Variants in DLG2 observed in about 807,000 individuals in gnomAD.
DLG2 encodes the protein discs large MAGUK scaffold protein 2, also known as disks large homolog 2.
Under a neutral mutation model 132.5 loss-of-function variants are expected in DLG2, and 45 were observed. The observed-to-expected ratio is 0.34, with a 90% CI of 0.27 to 0.44. The LOEUF is 0.44. DLG2 is among the 20% of genes least tolerant of loss of function. The pLI is 1.00. For synonymous variants in DLG2, 424 were observed against 419.6 expected (o/e 1.01, Z -0.13); for missense variants, 1,045 against 1,196.9 (o/e 0.87, Z 1.87).
intron 7 of DLG2, among the ~76,000 whole-genome samples, chr11:84,352,198 A>G (rs1314487614): frequency 6.6e-6 from 1 of 152,176 alleles, no homozygotes; most frequent in Non-Finnish European, 1.5e-5. Context: ...TTTTTCTCCT[A>G]CTAGCTGAAA....
At chr11:83,831,427 G>A (rs1324255857) in intron 17 of DLG2, among the ~76,000 whole-genome samples, 1 of 152,068 alleles carries the variant, frequency 6.6e-6, no homozygotes, top group Non-Finnish European at 1.5e-5. Context: ...GGACCACAGT[G>A]ACACATACGA....
At chr11:84,609,859 A>C (rs1438008013) in intron 6 of DLG2, among the ~76,000 whole-genome samples, 3 of 152,160 alleles carry the variant, frequency 2.0e-5, no homozygotes, top group Admixed American at 1.3e-4. Context: ...GAATATTTTA[A>C]ATTATCTATA....
intron 22 of DLG2, chr11:83,483,376 G>A (rs546411552): frequency 4.2e-5 from 45 of 1,074,102 alleles, no homozygotes; most frequent in Middle Eastern, 2.0e-4. Context: ...CAGTGGAGTT[G>A]AAATGAATAC....
chr11:84,278,807 A>AT (rs2097818217), intron 7 of DLG2, among the ~76,000 whole-genome samples: 1 of 5,878 alleles, frequency 1.7e-4, no homozygotes, highest in Non-Finnish European at 7.7e-4. Context: ...ACATTATTTT[A>AT]TTTATTTATT....
chr11:84,481,530 A>G (rs756914848), intron 7 of DLG2, among the ~76,000 whole-genome samples: 1 of 152,196 alleles, frequency 6.6e-6, no homozygotes, highest in Non-Finnish European at 1.5e-5. Flanking sequence ...GAAGGGCCAT[A>G]CGTAGTATCA....
intron 18 of DLG2, among the ~76,000 whole-genome samples, chr11:83,680,357 G>C (rs2078557704): frequency 6.6e-6 from 1 of 152,140 alleles, no homozygotes; most frequent in Non-Finnish European, 1.5e-5. Flanking sequence ...AAACTACCTT[G>C]TTCTTGGCAT....
At chr11:84,174,384 C>T (rs998215535) in intron 8 of DLG2, among the ~76,000 whole-genome samples, 11 of 151,976 alleles carry the variant, frequency 7.2e-5, no homozygotes, top group African/African-American at 2.7e-4. Flanking sequence ...TTTTAATCCC[C>T]AGAGAACATT....
intron 18 of DLG2, among the ~76,000 whole-genome samples, chr11:83,737,069 G>C (rs918005868): frequency 2.0e-5 from 3 of 152,144 alleles, no homozygotes; most frequent in African/African-American, 4.8e-5. Flanking sequence ...CCACACTGTA[G>C]AGCCCCAAAA....
chr11:85,344,602 T>C (rs1250372617), intron 3 of DLG2, among the ~76,000 whole-genome samples: 8 of 152,162 alleles, frequency 5.3e-5, no homozygotes, highest in African/African-American at 1.4e-4. Context: ...ATTTAGATTA[T>C]ATTATGCAAT....
chr11:84,933,423 A>G (rs772624196), intron 6 of DLG2, among the ~76,000 whole-genome samples: 1 of 152,170 alleles, frequency 6.6e-6, no homozygotes, highest in Non-Finnish European at 1.5e-5. Flanking sequence ...GGTAGTTAAT[A>G]AGAATAGCAT....
At chr11:83,922,644 A>T (rs1468533847) in intron 15 of DLG2, among the ~76,000 whole-genome samples, 3 of 152,118 alleles carry the variant, frequency 2.0e-5, no homozygotes, top group African/African-American at 7.2e-5. Flanking sequence ...TCCTTTCAGA[A>T]TCTACAGATT....
At chr11:83,495,105 C>T (rs932445131) in intron 21 of DLG2, among the ~76,000 whole-genome samples, 1 of 152,120 alleles carries the variant, frequency 6.6e-6, no homozygotes, top group East Asian at 1.9e-4. Flanking sequence ...TAAAAAATCT[C>T]AGGGAAGATC....
At chr11:83,475,931 T>C (rs892066290) in intron 22 of DLG2, among the ~76,000 whole-genome samples, 1 of 152,036 alleles carries the variant, frequency 6.6e-6, no homozygotes, top group Non-Finnish European at 1.5e-5. Flanking sequence ...AGCACAGAGC[T>C]GTGTGTGGAT....
intron 3 of DLG2, among the ~76,000 whole-genome samples, chr11:85,545,287 C>T (rs1372168915): frequency 1.3e-5 from 2 of 152,098 alleles, no homozygotes; most frequent in African/African-American, 2.4e-5. Context: ...TGATGGATTA[C>T]GTGTATTGAT....
chr11:85,346,695 A>G (rs1342109010), intron 3 of DLG2, among the ~76,000 whole-genome samples: 2 of 152,148 alleles, frequency 1.3e-5, no homozygotes, highest in African/African-American at 2.4e-5. Context: ...AGCAAGTCCT[A>G]GCCTCATTTT....
intron 3 of DLG2, among the ~76,000 whole-genome samples, chr11:85,551,296 C>G (rs1349822857): frequency 6.6e-6 from 1 of 151,728 alleles, no homozygotes; most frequent in Non-Finnish European, 1.5e-5. Context: ...AAAAGATGAC[C>G]AAATATGAAT....
chr11:84,255,805 C>T (rs951081258), intron 7 of DLG2, among the ~76,000 whole-genome samples: 1 of 151,894 alleles, frequency 6.6e-6, no homozygotes, highest in Non-Finnish European at 1.5e-5. Flanking sequence ...TCTTTATATA[C>T]ATCTAGGCAA....
intron 9 of DLG2, among the ~76,000 whole-genome samples, chr11:84,112,113 T>C (rs1311594669): frequency 6.6e-6 from 1 of 151,772 alleles, no homozygotes; most frequent in Non-Finnish European, 1.5e-5. Context: ...CCCGGGTTCA[T>C]GCCATTCTCC....
At chr11:85,084,746 G>C (rs2067686847) in intron 6 of DLG2, among the ~76,000 whole-genome samples, 1 of 152,032 alleles carries the variant, frequency 6.6e-6, no homozygotes, top group Non-Finnish European at 1.5e-5. Context: ...TTCCACCTGT[G>C]ATCACAAATA....
Sources: gnomAD v4.1 joint callset for allele counts (sites outside exome capture counted in the v4.1 genomes callset) on GRCh38, gnomAD v4.1.1 for gene constraint, MANE v1.5 for transcripts, NCBI Gene and HGNC (gene_info 2026-07-23, HGNC 2026-07-21) for gene names.